Variants in MARCHF1 observed in about 807,000 individuals in gnomAD.
MARCHF1 encodes E3 ubiquitin-protein ligase MARCHF1.
Under a neutral mutation model 54.2 loss-of-function variants are expected in MARCHF1, and 40 were observed. The ratio of observed to expected loss-of-function variants is 0.74; its 90% CI spans 0.57 to 0.96. MARCHF1 has a LOEUF of 0.96. Among genes scored for constraint, MARCHF1 ranks in the 40% least tolerant of loss-of-function variants. The probability of loss-of-function intolerance (pLI) is 0.00; values close to 1 mark genes in which losing one functional copy is unlikely to be tolerated. For missense variants in MARCHF1, 586 were observed against 656.5 expected, an observed-to-expected ratio of 0.89 and a Z score of 1.17; for synonymous variants, 236 against 236.3, an observed-to-expected ratio of 1.00 and a Z score of 0.01.
intron 1 of MARCHF1, among the ~76,000 whole-genome samples, chr4:164,199,147 G>A (rs1731366955): frequency 6.6e-6 from 1 of 152,164 alleles, no homozygotes; most frequent in South Asian, 2.1e-4. Context: ...ACAATTGAAT[G>A]AGCTTACATA....
intron 1 of MARCHF1, among the ~76,000 whole-genome samples, chr4:164,206,629 A>G (rs1196693896): frequency 6.6e-6 from 1 of 152,202 alleles, no homozygotes; most frequent in Non-Finnish European, 1.5e-5. Flanking sequence ...AGAATTAAAA[A>G]GGTAAGAGGA....
chr4:163,938,330 A>G (rs770606784), intron 3 of MARCHF1, among the ~76,000 whole-genome samples: 1 of 152,192 alleles, frequency 6.6e-6, no homozygotes, highest in East Asian at 1.9e-4. Flanking sequence ...GCAAATTACT[A>G]TCTCCTCCCT....
intron 7 of MARCHF1, among the ~76,000 whole-genome samples, chr4:163,587,730 T>C (rs1740455302): frequency 1.3e-5 from 2 of 152,070 alleles, no homozygotes; most frequent in South Asian, 4.1e-4. Context: ...AATACACCCA[T>C]GTAACAAACC....
intron 4 of MARCHF1, among the ~76,000 whole-genome samples, chr4:163,721,365 C>T (rs1033475882): frequency 3.3e-5 from 5 of 151,936 alleles, no homozygotes; most frequent in Admixed American, 6.6e-5. Context: ...AGCCTTGCAT[C>T]CCAGGGATGA....
chr4:164,006,703 C>T (rs373577256), intron 2 of MARCHF1, among the ~76,000 whole-genome samples: 13 of 151,794 alleles, frequency 8.6e-5, no homozygotes, highest in African/African-American at 3.1e-4. Flanking sequence ...ATTTCAAGGA[C>T]AAAGAGAGGG....
intron 7 of MARCHF1, among the ~76,000 whole-genome samples, chr4:163,611,760 C>T (rs1461529139): frequency 6.6e-6 from 1 of 152,102 alleles, no homozygotes; most frequent in East Asian, 1.9e-4. Context: ...TGATACGTCC[C>T]TGACCTGTTT....
intron 1 of MARCHF1, among the ~76,000 whole-genome samples, chr4:164,116,713 C>T (rs1288190620): frequency 6.6e-6 from 1 of 151,912 alleles, no homozygotes; most frequent in Non-Finnish European, 1.5e-5. Context: ...AAAGCATTTC[C>T]AGAAAGTGCT....
At chr4:164,244,995 C>T (rs1231318159) in intron 1 of MARCHF1, among the ~76,000 whole-genome samples, 3 of 152,116 alleles carry the variant, frequency 2.0e-5, no homozygotes, top group African/African-American at 2.4e-5. Flanking sequence ...GAGTCCAGGA[C>T]CAGATGGATA....
intron 4 of MARCHF1, among the ~76,000 whole-genome samples, chr4:163,782,669 C>CAAAAAAAAAAAA (rs779917586): frequency 9.2e-6 from 1 of 108,414 alleles, no homozygotes; most frequent in African/African-American, 3.8e-5. Context: ...ACTCCATCTC[C>CAAAAAAAAAAAA]AAAAAAAAAA....
At chr4:164,130,580 G>T in intron 1 of MARCHF1, among the ~76,000 whole-genome samples, 1 of 152,074 alleles carries the variant, frequency 6.6e-6, no homozygotes, top group East Asian at 1.9e-4. Flanking sequence ...TAAACCCTGC[G>T]CTAAACAATG....
At chr4:164,172,666 A>G (rs1367410599) in intron 1 of MARCHF1, among the ~76,000 whole-genome samples, 2 of 152,204 alleles carry the variant, frequency 1.3e-5, no homozygotes, top group Admixed American at 1.3e-4. Context: ...TCAGATTATT[A>G]TAAAAGGACA....
intron 1 of MARCHF1, among the ~76,000 whole-genome samples, chr4:164,355,025 A>C (rs1396654685): frequency 3.0e-4 from 39 of 128,436 alleles, no homozygotes; most frequent in African/African-American, 1.0e-3. Context: ...TTGCTTCAAA[A>C]AGAATAAAAT....
At chr4:163,697,310 A>G (rs112899078) in intron 5 of MARCHF1, among the ~76,000 whole-genome samples, 3,470 of 152,216 alleles carry the variant, frequency 0.023, 143 homozygotes, top group African/African-American at 0.077. Context: ...CATCCTTAAC[A>G]GGTAGGGTGA....
At chr4:163,847,204 A>G (rs952316172) in intron 4 of MARCHF1, among the ~76,000 whole-genome samples, 3 of 152,232 alleles carry the variant, frequency 2.0e-5, no homozygotes, top group African/African-American at 7.2e-5. Context: ...AAAGAAAAGT[A>G]TATAATTTTC....
chr4:164,164,452 AATCT>A (rs1336623489), intron 1 of MARCHF1, among the ~76,000 whole-genome samples: 3 of 152,024 alleles, frequency 2.0e-5, no homozygotes. Flanking sequence ...AACATTATGA[AATCT>A]ATTAAGATAT....
intron 1 of MARCHF1, among the ~76,000 whole-genome samples, chr4:164,262,141 TGAGA>T (rs985563719): frequency 1.3e-5 from 2 of 149,556 alleles, no homozygotes; most frequent in African/African-American, 2.5e-5. Context: ...GAGAGAATGC[TGAGA>T]GAAAGGATCT....
chr4:163,947,320 C>A (rs1335703627), intron 3 of MARCHF1, among the ~76,000 whole-genome samples: 1 of 152,132 alleles, frequency 6.6e-6, no homozygotes, highest in Non-Finnish European at 1.5e-5. Flanking sequence ...GCTATGGTAG[C>A]CAGAATAATG....
At chr4:163,564,890 T>A (rs745617604) in intron 8 of MARCHF1, among the ~76,000 whole-genome samples, 2 of 151,966 alleles carry the variant, frequency 1.3e-5, no homozygotes, top group African/African-American at 4.8e-5. Context: ...TTTTTCATGA[T>A]GTCAGTTTCT....
In MARCHF1 at chr4:163,525,213, T is replaced by C. The variant is rs1246285429; in HGVS notation, c.*3535A>G. 1.3e-5 allele frequency: 2 copies of C among 152,180 alleles called. No individual in the cohort carries two copies. Among genetic ancestry groups the C allele is most frequent in the Non-Finnish European group, 2.9e-5 (2 of 68,038 alleles). The allele number at this position is 152,180 out of a possible 1,614,324, so 9.4% of individuals were successfully genotyped here. On this transcript the variant is annotated 3_prime_UTR_variant, in exon 10 of 10. Transcript: ENST00000514618. ...TCCCACCTCAGCCCCAGGACCCTTA[T>C]AATGTCCCTTAATGGTGTCATTGTT...
Sources: gnomAD v4.1 joint callset for allele counts (sites outside exome capture counted in the v4.1 genomes callset) on GRCh38, gnomAD v4.1.1 for gene constraint, MANE v1.5 for transcripts, NCBI Gene and HGNC (gene_info 2026-07-23, HGNC 2026-07-21) for gene names.